Variants in SLC6A13 observed in about 807,000 individuals in gnomAD.
SLC6A13 encodes solute carrier family 6 member 13.
Under a neutral mutation model 72.9 loss-of-function variants are expected in SLC6A13, and 69 were observed. That is an observed-to-expected ratio of 0.95 (90% CI 0.78 to 1.16). The LOEUF is 1.16. Ranked by LOEUF, SLC6A13 falls within the 50% of genes most tolerant of loss-of-function variation. SLC6A13 has a pLI of 0.00. For missense variants in SLC6A13, 735 were observed against 760.5 expected, an observed-to-expected ratio of 0.97 and a Z score of 0.39; for synonymous variants, 303 against 303.0, an observed-to-expected ratio of 1.00 and a Z score of 0.00.
At chr12:228,550 A>AC (rs994989911) in intron 7 of SLC6A13, among the ~76,000 whole-genome samples, 4 of 150,442 alleles carry the variant, frequency 2.7e-5, no homozygotes, top group Admixed American at 6.6e-5. Flanking sequence ...TCATTCCAGA[A>AC]CCCCCCCAAG....
Position 226,419 on chromosome 12 carries a change from C to A in SLC6A13, c.1031G>T (p.Gly344Val). 1 of 1,614,086 alleles carries A rather than the reference C, an allele frequency of 6.2e-7. No homozygotes were observed. Among genetic ancestry groups the A allele is most frequent in the South Asian group, 1.1e-5 (1 of 91,084 alleles). ...CTCGGCCACCTCAGAAATGGGCACC[C>A]CCTGCTCCTGAGACATGAAGCCCAG... ...SILGFMSQEQ[G>V]VPISEVAESG... The change falls in exon 9 of 15, where the codon GGG (glycine) becomes GTG (valine). Residue 344 changes from glycine to valine, a missense_variant. Gly to Val is a moderately radical substitution (Grantham distance 109, BLOSUM62 -3). Transcript: ENST00000343164.
chr12:236,258 C>T lies in SLC6A13; in HGVS notation c.696+900G>A, dbSNP rs1941927984. Among the ~76,000 whole-genome samples, 2 of 152,036 alleles carry T rather than the reference C, an allele frequency of 1.3e-5. 1 individual carries two copies. The highest frequency in any genetic ancestry group is 4.1e-4 in the South Asian group (2 of 4,820). On this transcript the variant is annotated intron_variant, in intron 6 of 14. Coordinates refer to ENST00000343164, the MANE Select transcript of SLC6A13 (RefSeq NM_016615.5). ...TTGTACCTACTCCCTGTTCTTACAC[C>T]CCCTCCCCTTTTAAAACCCTTAATA...
intron 1 of SLC6A13, among the ~76,000 whole-genome samples, chr12:262,109 T>C (rs554751950): frequency 5.3e-5 from 8 of 152,102 alleles, no homozygotes; most frequent in Non-Finnish European, 1.2e-4. Flanking sequence ...CTTTACCAGC[T>C]GATGGATCTC....
intron 2 of SLC6A13, among the ~76,000 whole-genome samples, chr12:258,054 G>C (rs1221854798): frequency 6.6e-6 from 1 of 152,198 alleles, no homozygotes; most frequent in Non-Finnish European, 1.5e-5. Context: ...TCTCCAAAGG[G>C]AGGGTACTCA....
intron 2 of SLC6A13, among the ~76,000 whole-genome samples, chr12:258,244 A>T (rs138398033): frequency 1.1e-4 from 16 of 152,134 alleles, no homozygotes; most frequent in Non-Finnish European, 1.5e-4. Context: ...GGAAACATTC[A>T]AGTTAACCTC....
chr12:253,880 T>C (rs1463881345), intron 2 of SLC6A13: 1 of 152,276 alleles, frequency 6.6e-6, no homozygotes, highest in African/African-American at 2.4e-5. Flanking sequence ...GGGTAACTTC[T>C]GCCCCGAGTG....
intron 2 of SLC6A13, among the ~76,000 whole-genome samples, chr12:258,331 C>T (rs1333810228): frequency 6.6e-6 from 1 of 152,200 alleles, no homozygotes; most frequent in Non-Finnish European, 1.5e-5. Flanking sequence ...TCGTGTTCTC[C>T]CCCAGTTCCC....
At chr12:247,772 A>G (rs1380658786) in intron 2 of SLC6A13, among the ~76,000 whole-genome samples, 1 of 152,198 alleles carries the variant, frequency 6.6e-6, no homozygotes, top group Non-Finnish European at 1.5e-5. Context: ...AAACAATGTA[A>G]TATTGATTTT....
At chr12:256,793 T>G (rs1482074408) in intron 2 of SLC6A13, among the ~76,000 whole-genome samples, 2 of 151,660 alleles carry the variant, frequency 1.3e-5, no homozygotes, top group Non-Finnish European at 2.9e-5. Context: ...AGCACAAGAG[T>G]GGCTACTTGG....
chr12:253,214 G>A (rs1942616041), intron 2 of SLC6A13, among the ~76,000 whole-genome samples: 1 of 152,198 alleles, frequency 6.6e-6, no homozygotes, highest in South Asian at 2.1e-4. Context: ...CTTCTCAAAA[G>A]GAGCACGCTC....
intron 9 of SLC6A13, 42 bp downstream of exon 9, chr12:226,348 G>A: frequency 6.2e-7 from 1 of 1,612,032 alleles, no homozygotes; most frequent in Non-Finnish European, 8.5e-7. Flanking sequence ...CCAGAGGTTT[G>A]AACCAGGCTC....
rs1269306114 is a variant in SLC6A13, at chr12:220,712, T to G, written c.*236A>C. On this transcript the variant is annotated 3_prime_UTR_variant, in exon 15 of 15. Transcript: ENST00000343164. ...CCCACCTACCAGCCCCCACCCAGCT[T>G]CCCAAGGGTCTCAGAGGGACACTCT... 14 of 479,484 alleles carry G rather than the reference T, an allele frequency of 2.9e-5. No homozygotes were observed. Among genetic ancestry groups the G allele is most frequent in the Middle Eastern group, 5.6e-4 (1 of 1,786 alleles). 29.7% of individuals were successfully genotyped at this position (479,484 alleles called of 1,614,324 possible).
At position 224,510 on chromosome 12, in the gene SLC6A13, G is replaced by A. The variant is rs1026168382; in HGVS notation, c.1064C>T (p.Pro355Leu). The part of the protein sequence containing the change: ...VPISEVAESG[P>L]GLAFIAYPRA... Reference sequence around the variant, plus strand: ...CGGGTAAGCGATGAAAGCCAGGCCAGGGCCTACGACAAGGAGCAGAGGAAC... The same window carrying A: ...CGGGTAAGCGATGAAAGCCAGGCCAAGGCCTACGACAAGGAGCAGAGGAAC... The change falls in exon 10 of 15, where the codon CCT becomes CTT. Residue 355 changes from proline to leucine, a missense_variant. Pro to Leu is a moderately conservative substitution (Grantham distance 98). Coordinates refer to ENST00000343164, the MANE Select transcript of SLC6A13 (RefSeq NM_016615.5). 2 of 1,613,652 alleles carry A rather than the reference G, an allele frequency of 1.2e-6. No homozygotes were observed. The highest frequency in any genetic ancestry group is 1.3e-5 in the African/African-American group (1 of 74,952).
At chr12:244,526 A>G (rs2137299993) in intron 2 of SLC6A13, among the ~76,000 whole-genome samples, 1 of 152,074 alleles carries the variant, frequency 6.6e-6, no homozygotes, top group African/African-American at 2.4e-5. Flanking sequence ...CTGTCTCTAA[A>G]AGAAATACAA....
chr12:242,139 T>TTTA (rs759874865), intron 4 of SLC6A13, among the ~76,000 whole-genome samples: 3 of 152,156 alleles, frequency 2.0e-5, no homozygotes, highest in Non-Finnish European at 2.9e-5. Flanking sequence ...GACACGTGAC[T>TTTA]GTAACTGCTA....
At chr12:229,829 G>A (rs1451613261) in intron 7 of SLC6A13, among the ~76,000 whole-genome samples, 4 of 152,200 alleles carry the variant, frequency 2.6e-5, no homozygotes, top group Non-Finnish European at 4.4e-5. Flanking sequence ...TTGTGAACTT[G>A]TGCTTGGGAA....
Position 257,497 on chromosome 12 carries a change from G to A in SLC6A13, c.202+2354C>T, listed in dbSNP as rs1942784229. Among the ~76,000 whole-genome samples the A allele has an allele frequency of 2.0e-5, 3 of 152,158 alleles. No homozygotes were observed. The South Asian group carries it at 6.2e-4, about 32-fold the overall frequency. On this transcript the variant is annotated intron_variant, in intron 2 of 14. Coordinates refer to ENST00000343164, the MANE Select transcript of SLC6A13 (RefSeq NM_016615.5). Reference sequence around the variant, plus strand: ...AGGGTTAAACAAAGAGAACTTGACTGGATGGCAGGACTCCCAAACATGTCA... The same window carrying A: ...AGGGTTAAACAAAGAGAACTTGACTAGATGGCAGGACTCCCAAACATGTCA...
At chr12:260,430 T>C (rs1942889898) in intron 1 of SLC6A13, among the ~76,000 whole-genome samples, 1 of 152,218 alleles carries the variant, frequency 6.6e-6, no homozygotes, top group African/African-American at 2.4e-5. Flanking sequence ...TTCAGTCTGT[T>C]TACTCTGTAT....
intron 8 of SLC6A13, chr12:227,064 A>G: frequency 6.0e-6 from 1 of 165,520 alleles, no homozygotes; most frequent in Non-Finnish European, 1.3e-5. Flanking sequence ...GATGGTGTGA[A>G]AAAGGGGCAA....
Sources: allele counts gnomAD v4.1 joint callset (sites outside exome capture counted in the v4.1 genomes callset), GRCh38; gene constraint gnomAD v4.1.1; transcripts MANE v1.5; gene names NCBI Gene and HGNC (gene_info 2026-07-23, HGNC 2026-07-21).